Variants in BPNT1 observed in about 807,000 individuals in gnomAD.
The protein encoded by BPNT1 is 3'(2'), 5'-bisphosphate nucleotidase 1, also known as 3'(2'),5'-bisphosphate nucleotidase 1.
Under a neutral mutation model 36.9 loss-of-function variants are expected in BPNT1, and 28 were observed. The ratio of observed to expected loss-of-function variants is 0.76; its 90% confidence interval spans 0.56 to 1.04. BPNT1 has a LOEUF of 1.04. BPNT1 is among the 50% of genes least tolerant of loss of function. BPNT1 has a pLI of 0.00. For missense variants in BPNT1, 313 were observed against 372.9 expected, an observed-to-expected ratio of 0.84 and a Z score of 1.32; for synonymous variants, 119 against 130.9, an observed-to-expected ratio of 0.91 and a Z score of 0.62.
chr1:220,079,915 T>C (rs2102741237), intron 1 of BPNT1, 61 bp from the exon 2 acceptor site: 1 of 1,531,290 alleles, frequency 6.5e-7, no homozygotes, highest in Non-Finnish European at 8.9e-7. Context: ...GTTTTATTTA[T>C]TTAAATCCAA....
chr1:220,075,677 C>T (rs757266052), intron 2 of BPNT1, among the ~76,000 whole-genome samples: 1 of 152,188 alleles, frequency 6.6e-6, no homozygotes, highest in African/African-American at 2.4e-5. Context: ...TTCTTTTCCT[C>T]GCTAAGATAA....
At chr1:220,071,933 C>T (rs989265577) in intron 4 of BPNT1, among the ~76,000 whole-genome samples, 3 of 151,922 alleles carry the variant, frequency 2.0e-5, no homozygotes, top group South Asian at 2.1e-4. Context: ...GTGATCTGCC[C>T]GCCTCAGCCT....
Position 220,058,850 on chromosome 1 carries a change from AAC to A in BPNT1, c.919_920del (p.Val307SerfsTer30). Reference sequence around the variant, plus strand: ...GGCCAAATGAAACTTTCCTTTAAGGAACAAGTGCATTTTTAATAGATTCTGGA... The same window carrying A: ...GGCCAAATGAAACTTTCCTTTAAGGAAAGTGCATTTTTAATAGATTCTGGA... Reference protein sequence around the residue: ...RVPESIKNALVP With the variant: ...RVPESIKNALXP On this transcript the variant is annotated frameshift_variant, in exon 9 of 9. Coordinates refer to ENST00000322067, the MANE Select transcript of BPNT1 (RefSeq NM_006085.6). LOFTEE classifies it high-confidence loss of function. 6.2e-7 allele frequency: 1 copy of A among 1,614,068 alleles called. No individual in the cohort carries two copies. The highest frequency in any genetic ancestry group is 8.5e-7 in the Non-Finnish European group (1 of 1,179,952).
intron 2 of BPNT1, among the ~76,000 whole-genome samples, chr1:220,076,685 T>TA (rs1027918662): frequency 2.7e-4 from 37 of 138,580 alleles, no homozygotes; most frequent in African/African-American, 7.9e-4. Flanking sequence ...AACTCCTTCT[T>TA]AAAAAAAAAA....
chr1:220,075,268 T>G (rs1465933724), intron 2 of BPNT1, among the ~76,000 whole-genome samples: 1 of 152,110 alleles, frequency 6.6e-6, no homozygotes, highest in African/African-American at 2.4e-5. Flanking sequence ...GGTCTCAAAC[T>G]CCTGACCTCA....
chr1:220,070,447 GC>G (rs988411611), intron 4 of BPNT1, among the ~76,000 whole-genome samples: 18 of 152,082 alleles, frequency 1.2e-4, no homozygotes, highest in African/African-American at 4.1e-4. Flanking sequence ...CCGGGTTCAT[GC>G]CATTCTCCTG....
rs564386113 is a variant in BPNT1, at chr1:220,073,299, T to A, written c.226-342A>T. On this transcript the variant is annotated intron_variant, in intron 3 of 8. Coordinates refer to ENST00000322067, the MANE Select transcript of BPNT1 (RefSeq NM_006085.6). ...TTCCCTCACTTTCTTTTTTTATTTT[T>A]TTTTTTTGAGACGGAGTCTTGCTCT... Among the ~76,000 whole-genome samples, 16 of 152,220 alleles carry A rather than the reference T, an allele frequency of 1.1e-4. 1 individual carries two copies. The South Asian group carries it at 1.4e-3, about 14-fold the overall frequency.
intron 4 of BPNT1, among the ~76,000 whole-genome samples, chr1:220,071,284 A>C (rs1466428364): frequency 1.3e-5 from 2 of 152,144 alleles, no homozygotes; most frequent in Non-Finnish European, 2.9e-5. Flanking sequence ...TATGGTGGCT[A>C]TCTGAAGTCA....
At chr1:220,074,553 T>A (rs1010193812) in intron 2 of BPNT1, among the ~76,000 whole-genome samples, 4 of 151,872 alleles carry the variant, frequency 2.6e-5, no homozygotes, top group African/African-American at 9.7e-5. Context: ...TGGAGTACGG[T>A]GGCACGATCT....
At chr1:220,078,521 T>C (rs1015502966) in intron 2 of BPNT1, among the ~76,000 whole-genome samples, 55 of 140,412 alleles carry the variant, frequency 3.9e-4, no homozygotes, top group African/African-American at 1.5e-3. Flanking sequence ...TAATTATATA[T>C]AATTATATTA....
intron 1 of BPNT1, among the ~76,000 whole-genome samples, chr1:220,081,066 G>A (rs1655056240): frequency 6.6e-6 from 1 of 152,158 alleles, no homozygotes. Flanking sequence ...AGCCTCCCAA[G>A]TAGCTGGGAT....
chr1:220,080,299 G>C (rs1664985546), intron 1 of BPNT1, among the ~76,000 whole-genome samples: 1 of 152,136 alleles, frequency 6.6e-6, no homozygotes, highest in Non-Finnish European at 1.5e-5. Flanking sequence ...CGCCAAAAGA[G>C]GTATGAATAG....
intron 6 of BPNT1, 94 bp from the exon 7 acceptor site, chr1:220,063,048 T>TA: frequency 7.3e-7 from 1 of 1,370,554 alleles, no homozygotes; most frequent in Admixed American, 1.9e-5. Context: ...CATCATGATT[T>TA]AAAAAATAAA....
At chr1:220,070,271 A>G (rs958865888) in intron 4 of BPNT1, among the ~76,000 whole-genome samples, 1 of 152,174 alleles carries the variant, frequency 6.6e-6, no homozygotes, top group Admixed American at 6.5e-5. Flanking sequence ...GCCTTTAACC[A>G]CTACAATGAT....
intron 3 of BPNT1, among the ~76,000 whole-genome samples, chr1:220,073,707 T>A (rs780880331): frequency 2.8e-4 from 42 of 152,182 alleles, no homozygotes; most frequent in Admixed American, 2.0e-3. Context: ...TCTCTGCCCA[T>A]CTTACAGTTT....
rs956329302 is a variant in BPNT1, at chr1:220,084,098, C to T, written c.-8-4244G>A. On this transcript the variant is annotated intron_variant, in intron 1 of 8. Transcript: ENST00000322067. ...ATGTAATCCCAGCACTATGGGAGGCCGAGGTGGGTGGATCACGAGGTCAGG... is the reference window on the plus strand; with the variant it reads ...ATGTAATCCCAGCACTATGGGAGGCTGAGGTGGGTGGATCACGAGGTCAGG... Among the ~76,000 whole-genome samples, 9 of 152,048 alleles carry T rather than the reference C, an allele frequency of 5.9e-5. No individual in the cohort carries two copies. The East Asian group carries it at 9.7e-4, about 16-fold the overall frequency.
intron 8 of BPNT1, 50 bp downstream of exon 8, chr1:220,059,636 T>C (rs943201247): frequency 1.5e-6 from 2 of 1,309,374 alleles, no homozygotes; most frequent in Non-Finnish European, 2.2e-6. Flanking sequence ...TGTCTTAGCA[T>C]GATATAATTG....
At chr1:220,070,474 T>C (rs1020795604) in intron 4 of BPNT1, among the ~76,000 whole-genome samples, 1 of 152,078 alleles carries the variant, frequency 6.6e-6, no homozygotes, top group African/African-American at 2.4e-5. Context: ...GCCTCCCAAG[T>C]AGCTGGGACT....
At chr1:220,067,454 A>G (rs999220888) in intron 5 of BPNT1, 61 bp from the exon 6 acceptor site, 1 of 1,134,270 alleles carries the variant, frequency 8.8e-7, no homozygotes, top group Non-Finnish European at 1.3e-6. Context: ...CATCATTACT[A>G]CATCAATTGC....
Sources: allele counts gnomAD v4.1 joint callset (sites outside exome capture counted in the v4.1 genomes callset), GRCh38; gene constraint gnomAD v4.1.1; transcripts MANE v1.5; gene names NCBI Gene and HGNC (gene_info 2026-07-23, HGNC 2026-07-21).